Variants in ELF2 observed in about 807,000 individuals in gnomAD.
The protein encoded by ELF2 is ETS-related transcription factor Elf-2.
Under a neutral mutation model 54.8 loss-of-function variants are expected in ELF2, and 11 were observed. That is an observed-to-expected ratio of 0.20 (90% CI 0.13 to 0.33). The LOEUF (loss-of-function observed/expected upper bound fraction) is 0.33. Among genes scored for constraint, ELF2 ranks in the 10% least tolerant of loss-of-function variants. The pLI is 1.00. For missense variants in ELF2, 513 were observed against 703.0 expected, an observed-to-expected ratio of 0.73 and a Z score of 3.06; for synonymous variants, 203 against 245.1, an observed-to-expected ratio of 0.83 and a Z score of 1.61.
intron 4 of ELF2, among the ~76,000 whole-genome samples, chr4:139,098,452 T>C (rs1733516022): frequency 6.6e-6 from 1 of 151,978 alleles, no homozygotes; most frequent in South Asian, 2.1e-4. Context: ...GGTAAACAGA[T>C]TTCTCTATTT....
At chr4:139,164,832 G>A (rs1262767848) in intron 1 of ELF2, among the ~76,000 whole-genome samples, 1 of 152,166 alleles carries the variant, frequency 6.6e-6, no homozygotes, top group Non-Finnish European at 1.5e-5. Flanking sequence ...TTACTGATGT[G>A]TCTGAATTGC....
At chr4:139,067,586 T>C (rs1728897304) in intron 7 of ELF2, 98 bp downstream of exon 7, 1 of 1,223,690 alleles carries the variant, frequency 8.2e-7, no homozygotes. Flanking sequence ...AGTATTCTCA[T>C]ATGTGCATGT....
At position 139,063,350 on chromosome 4, in the gene ELF2, G is replaced by A. The variant is rs930538133; in HGVS notation, c.614-1293C>T. Among the ~76,000 whole-genome samples, 8 of 152,118 alleles carry A rather than the reference G, an allele frequency of 5.3e-5. No individual in the cohort carries two copies. The South Asian group carries it at 6.2e-4, about 12-fold the overall frequency. Reference sequence around the variant, plus strand: ...TTTCTACTGATTACACCCAATAGACGGAAGATAATGTTTAAAGGATTTCAT... The same window carrying A: ...TTTCTACTGATTACACCCAATAGACAGAAGATAATGTTTAAAGGATTTCAT... On this transcript the variant is annotated intron_variant, in intron 7 of 9. Transcript: ENST00000686138.
intron 1 of ELF2, among the ~76,000 whole-genome samples, chr4:139,168,412 C>T (rs1387307951): frequency 1.3e-5 from 2 of 152,092 alleles, no homozygotes; most frequent in African/African-American, 2.4e-5. Context: ...TGTAGTAGTA[C>T]AGAATTATAC....
upstream of ELF2, among the ~76,000 whole-genome samples, chr4:139,177,433 C>T (rs1290684939): frequency 6.6e-6 from 1 of 151,888 alleles, no homozygotes; most frequent in African/African-American, 2.4e-5. Flanking sequence ...GCTATTTATA[C>T]CCCGCGGGGC....
chr4:139,141,312 G>A (rs1738675679), intron 1 of ELF2, among the ~76,000 whole-genome samples: 1 of 152,170 alleles, frequency 6.6e-6, no homozygotes, highest in Non-Finnish European at 1.5e-5. Context: ...GACATAGGAA[G>A]GAAAATCCAT....
intron 1 of ELF2, among the ~76,000 whole-genome samples, chr4:139,157,633 G>A (rs1194567999): frequency 6.6e-6 from 1 of 152,082 alleles, no homozygotes; most frequent in East Asian, 1.9e-4. Flanking sequence ...GAAACTCCTG[G>A]CTTCAAGCAA....
chr4:139,164,138 GAA>G (rs1002082309), intron 1 of ELF2, among the ~76,000 whole-genome samples: 2 of 143,116 alleles, frequency 1.4e-5, no homozygotes, highest in Admixed American at 1.4e-4. Context: ...GAAAGAGAAA[GAA>G]GAGAGAGAAA....
chr4:139,114,561 T>TCCAGTCTCTCACACACA (rs70940492), intron 4 of ELF2, among the ~76,000 whole-genome samples: 11 of 108,636 alleles, frequency 1.0e-4, no homozygotes, highest in East Asian at 1.0e-3. Flanking sequence ...GACTTCAGTC[T>TCCAGTCTCTCACACACA]CACACACACA....
intron 3 of ELF2, among the ~76,000 whole-genome samples, chr4:139,130,112 G>A (rs950055052): frequency 2.0e-5 from 3 of 151,922 alleles, no homozygotes; most frequent in Admixed American, 1.3e-4. Flanking sequence ...AAATGGGAAG[G>A]AAAACCATGG....
chr4:139,106,497 C>A (rs540084262), intron 4 of ELF2, among the ~76,000 whole-genome samples: 1 of 151,848 alleles, frequency 6.6e-6, no homozygotes, highest in East Asian at 1.9e-4. Context: ...AAGCACAAAC[C>A]ACAGTTGTTT....
At chr4:139,114,549 G>A (rs1338907536) in intron 4 of ELF2, among the ~76,000 whole-genome samples, 2 of 46,806 alleles carry the variant, frequency 4.3e-5, no homozygotes, top group African/African-American at 6.6e-5. Flanking sequence ...GCAACAGAGC[G>A]AGACTTCAGT....
At chr4:139,172,902 G>T (rs1234839364) in intron 1 of ELF2, among the ~76,000 whole-genome samples, 1 of 74,076 alleles carries the variant, frequency 1.3e-5, no homozygotes, top group South Asian at 6.6e-4. Context: ...GGGGGGGGGG[G>T]GGGCTATCAT....
At chr4:139,175,049 T>C (rs1203621839) in intron 1 of ELF2, among the ~76,000 whole-genome samples, 1 of 152,170 alleles carries the variant, frequency 6.6e-6, no homozygotes, top group Non-Finnish European at 1.5e-5. Flanking sequence ...ACCTGCAAAA[T>C]GGAGTAATTT....
At chr4:139,134,600 T>C (rs952196944) in intron 3 of ELF2, among the ~76,000 whole-genome samples, 1 of 141,432 alleles carries the variant, frequency 7.1e-6, no homozygotes. Flanking sequence ...TTTATTTTAT[T>C]TTATTTTATT....
chr4:139,125,982 T>G (rs139458743), intron 3 of ELF2, among the ~76,000 whole-genome samples: 1 of 152,090 alleles, frequency 6.6e-6, no homozygotes, highest in Non-Finnish European at 1.5e-5. Flanking sequence ...TGAGGCATAA[T>G]AGGCACAGTT....
intron 3 of ELF2, 112 bp downstream of exon 3, chr4:139,137,517 AT>A (rs1415555298): frequency 3.7e-6 from 4 of 1,075,826 alleles, no homozygotes; most frequent in Middle Eastern, 4.1e-4. Flanking sequence ...TACATGTATA[AT>A]TTCATGCTTT....
chr4:139,078,645 AT>A (rs1256318505), intron 4 of ELF2, among the ~76,000 whole-genome samples: 1 of 151,674 alleles, frequency 6.6e-6, no homozygotes, highest in Non-Finnish European at 1.5e-5. Context: ...TCAGCCAGAA[AT>A]TAAGTTTAAA....
Position 139,082,251 on chromosome 4 carries a change from T to G in ELF2, c.239-8684A>C, listed in dbSNP as rs535832063. Among the ~76,000 whole-genome samples the G allele has an allele frequency of 1.2e-4, 18 of 152,334 alleles. No homozygotes were observed. The South Asian group carries it at 3.7e-3, about 32-fold the overall frequency. ...AACAACATCTCTTGAACTGTACATA[T>G]TCAATATTCACAGAAATATCATTGA... On this transcript the variant is annotated intron_variant, in intron 4 of 9. Coordinates refer to ENST00000686138, the MANE Select transcript of ELF2 (RefSeq NM_001331036.3).
Sources: allele counts gnomAD v4.1 joint callset (sites outside exome capture counted in the v4.1 genomes callset), GRCh38; gene constraint gnomAD v4.1.1; transcripts MANE v1.5; gene names NCBI Gene and HGNC (gene_info 2026-07-23, HGNC 2026-07-21).